Variants in AKAP6 observed in about 807,000 individuals in gnomAD.
AKAP6 encodes A-kinase anchoring protein 6.
Under a neutral mutation model 188.5 loss-of-function variants are expected in AKAP6, and 58 were observed. The ratio of observed to expected loss-of-function variants is 0.31; its 90% CI spans 0.25 to 0.38. The LOEUF (loss-of-function observed/expected upper bound fraction) is 0.38. AKAP6 is among the 10% of genes least tolerant of loss of function. The pLI, the probability that AKAP6 is intolerant of heterozygous loss-of-function variation, is 1.00. For synonymous variants in AKAP6, 989 were observed against 998.6 expected (o/e 0.99, Z 0.18); for missense variants, 2,710 against 2,740.0 (o/e 0.99, Z 0.24).
At chr14:32,455,803 A>C (rs1429378788) in intron 2 of AKAP6, among the ~76,000 whole-genome samples, 1 of 152,098 alleles carries the variant, frequency 6.6e-6, no homozygotes, top group East Asian at 1.9e-4. Flanking sequence ...CCTATTTTAA[A>C]ATTATATAAC....
intron 2 of AKAP6, among the ~76,000 whole-genome samples, chr14:32,491,457 C>T (rs1248401519): frequency 6.6e-6 from 1 of 152,162 alleles, no homozygotes; most frequent in Admixed American, 6.6e-5. Flanking sequence ...TGCTTAAAAT[C>T]CAAAAGTGGC....
intron 2 of AKAP6, among the ~76,000 whole-genome samples, chr14:32,523,620 C>G (rs552447988): frequency 7.2e-5 from 11 of 151,840 alleles, no homozygotes; most frequent in Non-Finnish European, 1.2e-4. Context: ...AGGCACACAT[C>G]ACTATGTCTG....
intron 10 of AKAP6, chr14:32,734,285 G>A (rs943001053): frequency 4.6e-5 from 7 of 152,004 alleles, no homozygotes; most frequent in African/African-American, 1.7e-4. Flanking sequence ...AGAGGTATAT[G>A]GTTTTTAATA....
At chr14:32,763,187 G>A (rs2032597122) in intron 11 of AKAP6, among the ~76,000 whole-genome samples, 1 of 152,012 alleles carries the variant, frequency 6.6e-6, no homozygotes, top group South Asian at 2.1e-4. Context: ...GAATAAACCA[G>A]TTTGCTGTTT....
chr14:32,463,898 A>G (rs969905698), intron 2 of AKAP6, among the ~76,000 whole-genome samples: 3 of 152,210 alleles, frequency 2.0e-5, no homozygotes, highest in African/African-American at 7.2e-5. Flanking sequence ...ACAATAAAAA[A>G]TGATAAAGGG....
chr14:32,772,233 A>C (rs763675662), intron 11 of AKAP6, among the ~76,000 whole-genome samples: 52 of 152,312 alleles, frequency 3.4e-4, no homozygotes, highest in Admixed American at 6.5e-4. Context: ...CTCCTCATTC[A>C]GCACTGAACC....
chr14:32,511,152 T>G (rs1276693874), intron 2 of AKAP6, among the ~76,000 whole-genome samples: 1 of 152,196 alleles, frequency 6.6e-6, no homozygotes, highest in African/African-American at 2.4e-5. Context: ...TAAATTTTCC[T>G]TAGGAATTTC....
chr14:32,446,365 T>G (rs943481792), intron 2 of AKAP6, among the ~76,000 whole-genome samples: 4 of 152,198 alleles, frequency 2.6e-5, no homozygotes, highest in African/African-American at 7.2e-5. Context: ...AAAATGAATC[T>G]AAACTTTGTA....
chr14:32,830,877 T>G lies in AKAP6; in HGVS notation c.*1072T>G, dbSNP rs985182998. ...TGTTGCATCTGGTTCTGAAAAAGTA[T>G]AGCATGTAGCAGCTTCCAAACATAT... On this transcript the variant is annotated 3_prime_UTR_variant, in exon 14 of 14. Transcript: ENST00000280979. The G allele has an allele frequency of 3.3e-5, 5 of 152,488 alleles. No individual in the cohort carries two copies. Among genetic ancestry groups the G allele is most frequent in the Non-Finnish European group, 7.4e-5 (5 of 68,014 alleles). The allele number at this position is 152,488 out of a possible 1,614,324, so 9.4% of individuals were successfully genotyped here.
At chr14:32,796,305 A>G (rs1459535974) in intron 12 of AKAP6, among the ~76,000 whole-genome samples, 2 of 152,236 alleles carry the variant, frequency 1.3e-5, no homozygotes, top group East Asian at 1.9e-4. Flanking sequence ...ACCAAAAAAG[A>G]GGCTGAATAA....
chr14:32,600,787 C>T lies in AKAP6; in HGVS notation c.2725C>T (p.Pro909Ser). The T allele has an allele frequency of 6.2e-7, 1 of 1,604,268 alleles. No individual in the cohort carries two copies. The highest frequency in any genetic ancestry group is 2.2e-5 in the East Asian group (1 of 44,588). The change falls in exon 7 of 14, where the codon CCC (proline) becomes TCC (serine). Residue 909 changes from proline to serine, a missense_variant. Physicochemically the swap from Pro to Ser is moderately conservative, Grantham distance 74 (BLOSUM62 -1). This residue lies in a region of AKAP6 where 2,473 missense variants were observed against 2,426.1 expected (regional missense o/e 1.02). Transcript: ENST00000280979. ...GGAGGATGAGGAAGGGACTGGAAGCCCCAAGGTAAGTGGCTTGAAGTTTGC... is the reference window on the plus strand; with the variant it reads ...GGAGGATGAGGAAGGGACTGGAAGCTCCAAGGTAAGTGGCTTGAAGTTTGC... ...SVEDEEGTGS[P>S]KAEVQLCYLE...
At chr14:32,698,167 G>A (rs991205432) in intron 9 of AKAP6, among the ~76,000 whole-genome samples, 2 of 152,092 alleles carry the variant, frequency 1.3e-5, no homozygotes, top group African/African-American at 2.4e-5. Context: ...TGACTGAGGA[G>A]TCATGTAGAA....
At chr14:32,632,039 A>C (rs1326016533) in intron 7 of AKAP6, among the ~76,000 whole-genome samples, 1 of 151,958 alleles carries the variant, frequency 6.6e-6, no homozygotes, top group African/African-American at 2.4e-5. Flanking sequence ...TTTTCCCTCA[A>C]GGCTTATAAA....
intron 5 of AKAP6, among the ~76,000 whole-genome samples, chr14:32,597,796 T>C (rs552626057): frequency 6.6e-6 from 1 of 152,324 alleles, no homozygotes; most frequent in Non-Finnish European, 1.5e-5. Context: ...GACTTACAAT[T>C]ATAATAACTT....
intron 5 of AKAP6, among the ~76,000 whole-genome samples, chr14:32,578,472 T>C (rs1421479259): frequency 6.6e-6 from 1 of 152,164 alleles, no homozygotes; most frequent in Non-Finnish European, 1.5e-5. Flanking sequence ...TTTTATATAC[T>C]GTCCTTAGTA....
chr14:32,625,204 G>C (rs1043855732), intron 7 of AKAP6, among the ~76,000 whole-genome samples: 2 of 152,068 alleles, frequency 1.3e-5, no homozygotes, highest in African/African-American at 4.8e-5. Context: ...GATAGATTCA[G>C]AGTGGATTGG....
chr14:32,342,989 C>T (rs1431270608), intron 1 of AKAP6, among the ~76,000 whole-genome samples: 1 of 152,156 alleles, frequency 6.6e-6, no homozygotes, highest in East Asian at 1.9e-4. Flanking sequence ...TTGTTATGCA[C>T]ACTAATGTTC....
Position 32,772,155 on chromosome 14 carries a change from G to A in AKAP6, c.3373-1523G>A, listed in dbSNP as rs534338776. 1.8e-4 allele frequency among the ~76,000 whole-genome samples: 28 copies of A among 152,180 alleles called. No individual in the cohort carries two copies. In the South Asian group the frequency reaches 5.4e-3, roughly 29 times the overall value. The stretch of plus-strand genomic sequence containing the variant: ...GGGGAGACATTTGACAGGGTTGTAG[G>A]AAGAGATGGTAACAATGCTGGTTGC... On this transcript the variant is annotated intron_variant, in intron 11 of 13. Transcript: ENST00000280979.
chr14:32,335,931 AT>A (rs74332191), intron 1 of AKAP6, among the ~76,000 whole-genome samples: 11,515 of 112,698 alleles, frequency 0.1, 542 homozygotes, highest in African/African-American at 0.11. Context: ...GGAAAAGTTC[AT>A]TTTTTTTTTT....
Sources: allele counts gnomAD v4.1 joint callset (sites outside exome capture counted in the v4.1 genomes callset), GRCh38; gene constraint gnomAD v4.1.1; regional missense constraint gnomAD v4.1.1; transcripts MANE v1.5; gene names NCBI Gene and HGNC (gene_info 2026-07-23, HGNC 2026-07-21).